Variants in NPAT observed in about 807,000 individuals in gnomAD.
The protein encoded by NPAT is nuclear protein, coactivator of histone transcription.
In NPAT, 52 loss-of-function variants were observed where a neutral mutation model predicts 130.7. That is an observed-to-expected ratio of 0.40 (90% confidence interval 0.32 to 0.50). The LOEUF (loss-of-function observed/expected upper bound fraction) is 0.50, where lower values mean the gene tolerates loss of function less well. NPAT is among the 20% of genes least tolerant of loss of function. NPAT has a pLI of 0.68. For missense variants in NPAT, 1,687 were observed against 1,662.6 expected (o/e 1.01, Z -0.26); for synonymous variants, 580 against 584.8 (o/e 0.99, Z 0.12).
At position 108,189,207 on chromosome 11, in the gene NPAT, G is replaced by A; in HGVS notation, c.455C>T (p.Ser152Phe). Residue 152 changes from serine to phenylalanine, a missense_variant, in exon 6 of 18, where the codon TCC becomes TTC. Ser to Phe is a radical substitution (Grantham distance 155). Coordinates refer to ENST00000278612, the MANE Select transcript of NPAT (RefSeq NM_002519.3). ...YLSGQFTTPP[S>F]TGTQVTRPSG... ...TGGTCGAGTAACCTGTGTACCTGTG[G>A]AAGGAGGAGTGGTAAACTGTCCTGA... 6.2e-7 allele frequency: 1 copy of A among 1,614,180 alleles called. No homozygotes were observed. The highest frequency in any genetic ancestry group is 1.1e-5 in the South Asian group (1 of 91,078).
In NPAT at chr11:108,222,613, C is replaced by T; in HGVS notation, c.-77G>A. On this transcript the variant is annotated 5_prime_UTR_variant, in exon 1 of 18. The change abolishes an upstream ATG in the 5' untranslated region. Transcript: ENST00000278612. ...AAACACAGCGACAGCTCCTGCGCCG[C>T]ATCTCCTGGTTCCAGTGGCGGCACT... 2.6e-6 allele frequency: 4 copies of T among 1,524,014 alleles called. No homozygotes were observed. Among genetic ancestry groups the T allele is most frequent in the Non-Finnish European group, 2.7e-6 (3 of 1,105,626 alleles). The allele number at this position is 1,524,014 out of a possible 1,614,324, so 94.4% of individuals were successfully genotyped here.
chr11:108,189,794 C>T (rs1323763637), intron 5 of NPAT, among the ~76,000 whole-genome samples: 6 of 147,216 alleles, frequency 4.1e-5, no homozygotes, highest in East Asian at 2.0e-4. Flanking sequence ...GGCGTGAACC[C>T]GGGAGGCGGA....
At chr11:108,207,144 C>A (rs1173333051) in intron 1 of NPAT, among the ~76,000 whole-genome samples, 1 of 152,190 alleles carries the variant, frequency 6.6e-6, no homozygotes, top group Non-Finnish European at 1.5e-5. Context: ...GAGATGAGAC[C>A]CACAGTGAGT....
chr11:108,177,846 G>C (rs978551449), intron 10 of NPAT, among the ~76,000 whole-genome samples: 2 of 151,994 alleles, frequency 1.3e-5, no homozygotes, highest in African/African-American at 4.8e-5. Flanking sequence ...TCAGCCTTCT[G>C]AGTAGCTGAA....
intron 2 of NPAT, 48 bp downstream of exon 2, chr11:108,197,254 A>T: frequency 8.2e-7 from 1 of 1,225,758 alleles, no homozygotes; most frequent in Non-Finnish European, 1.2e-6. Context: ...CTATGTTTTT[A>T]GTCTCTTGTG....
At chr11:108,175,562 A>C (rs2077997558) in intron 12 of NPAT, among the ~76,000 whole-genome samples, 1 of 152,230 alleles carries the variant, frequency 6.6e-6, no homozygotes, top group South Asian at 2.1e-4. Flanking sequence ...AGTGAAACAC[A>C]ATCTTCTAGA....
Position 108,163,059 on chromosome 11 carries a change from G to GATTTATTTATTTATTT in NPAT, c.3011-895_3011-880dup, listed in dbSNP as rs3081748. Among the ~76,000 whole-genome samples the GATTTATTTATTTATTT allele has an allele frequency of 2.7e-3, 398 of 149,056 alleles. 1 individual carries two copies. The highest frequency in any genetic ancestry group is 7.3e-3 in the African/African-American group (296 of 40,334). ...AGGTTTCAGAGGCAATCCTTTAAGAGATTTATTTATTTATTTATTTATTTA... is the reference window on the plus strand; with the variant it reads ...AGGTTTCAGAGGCAATCCTTTAAGAGATTTATTTATTTATTTATTTATTTATTTATTTATTTATTTA... On this transcript the variant is annotated intron_variant, in intron 15 of 17. Transcript: ENST00000278612.
At chr11:108,174,615 C>CT (rs1208012953) in intron 12 of NPAT, among the ~76,000 whole-genome samples, 4,510 of 132,608 alleles carry the variant, frequency 0.034, 116 homozygotes, top group Non-Finnish European at 0.042. Flanking sequence ...AGAGTATTTC[C>CT]TTTTTTTTTT....
intron 13 of NPAT, 138 bp from the exon 14 acceptor site, chr11:108,170,181 AAAAAC>A (rs770287806): frequency 7.8e-5 from 51 of 653,830 alleles, no homozygotes; most frequent in East Asian, 8.4e-5. Context: ...TCCACTCTCC[AAAAAC>A]AAAACAAAAC....
At chr11:108,201,782 A>G (rs914144109) in intron 1 of NPAT, among the ~76,000 whole-genome samples, 2 of 152,222 alleles carry the variant, frequency 1.3e-5, no homozygotes. Context: ...TATTAGAGAG[A>G]TCTGCAGTTA....
Position 108,172,957 on chromosome 11 carries a change from A to C in NPAT, c.2027T>G (p.Leu676Ter), listed in dbSNP as rs368134007. 1 of 1,614,118 alleles carries C rather than the reference A, an allele frequency of 6.2e-7. No individual in the cohort carries two copies. Among genetic ancestry groups the C allele is most frequent in the Non-Finnish European group, 8.5e-7 (1 of 1,180,020 alleles). ...TTTCTCACAGTTAGCATTTCCACCT[A>C]AAGAGAGAAAAATAGTATTCTCTTC... ...VKEENTIFLS[L>*]GGNANCEKVA... Residue 676 changes from leucine to a stop codon, truncating the protein, a stop_gained, in exon 13 of 18, where the codon TTA (leucine) becomes TGA (stop). Coordinates refer to ENST00000278612, the MANE Select transcript of NPAT (RefSeq NM_002519.3). LOFTEE classifies it high-confidence loss of function.
chr11:108,213,576 C>G (rs538426000), intron 1 of NPAT, among the ~76,000 whole-genome samples: 68 of 152,286 alleles, frequency 4.5e-4, no homozygotes, highest in Non-Finnish European at 7.8e-4. Flanking sequence ...AAACTCAATA[C>G]TCCCAAAATT....
chr11:108,164,250 A>G (rs574477238), intron 15 of NPAT, among the ~76,000 whole-genome samples: 3 of 152,214 alleles, frequency 2.0e-5, no homozygotes, highest in Non-Finnish European at 2.9e-5. Flanking sequence ...AGACACGCAG[A>G]TATTTAAAAT....
intron 1 of NPAT, among the ~76,000 whole-genome samples, chr11:108,197,775 T>A (rs555533913): frequency 1.3e-5 from 2 of 152,216 alleles, no homozygotes; most frequent in African/African-American, 2.4e-5. Context: ...TGGTATAAAT[T>A]CACTTACTGC....
intron 1 of NPAT, among the ~76,000 whole-genome samples, chr11:108,219,475 G>T (rs2078464041): frequency 6.6e-6 from 1 of 152,108 alleles, no homozygotes; most frequent in Admixed American, 6.6e-5. Context: ...ACTCAGAATG[G>T]TTTCTACTTT....
At chr11:108,169,098 T>C (rs1009927341) in intron 15 of NPAT, among the ~76,000 whole-genome samples, 33 of 152,182 alleles carry the variant, frequency 2.2e-4, no homozygotes, top group African/African-American at 7.7e-4. Flanking sequence ...CATGACACTA[T>C]TGATACAACT....
At chr11:108,170,248 CAAATT>C (rs760191087) in intron 13 of NPAT, 26 of 539,604 alleles carry the variant, frequency 4.8e-5, no homozygotes, top group Non-Finnish European at 8.0e-5. Flanking sequence ...GCAAGGCTAA[CAAATT>C]AAGAAAAAGT....
At chr11:108,210,306 G>C (rs1295985413) in intron 1 of NPAT, among the ~76,000 whole-genome samples, 4 of 152,160 alleles carry the variant, frequency 2.6e-5, no homozygotes, top group Non-Finnish European at 2.9e-5. Flanking sequence ...CAATGTTGGA[G>C]GTGGGGCCTG....
At chr11:108,211,820 T>G (rs1204157390) in intron 1 of NPAT, among the ~76,000 whole-genome samples, 1 of 152,188 alleles carries the variant, frequency 6.6e-6, no homozygotes, top group Non-Finnish European at 1.5e-5. Context: ...TATGGTGGCA[T>G]GTGCCTATAG....
Sources: gnomAD v4.1 joint callset for allele counts (sites outside exome capture counted in the v4.1 genomes callset) on GRCh38, gnomAD v4.1.1 for gene constraint, MANE v1.5 for transcripts, NCBI Gene and HGNC (gene_info 2026-07-23, HGNC 2026-07-21) for gene names.